The following ITGAD variants were observed in gnomAD, a reference collection of about 807,000 sequenced individuals.
ITGAD encodes the protein integrin alpha-D.
A neutral mutation model predicts 139.0 loss-of-function variants in ITGAD; 105 were observed. The observed-to-expected ratio is 0.76, with a 90% confidence interval of 0.65 to 0.89. The LOEUF (loss-of-function observed/expected upper bound fraction) is 0.89. ITGAD is among the 40% of genes least tolerant of loss of function. The probability of loss-of-function intolerance (pLI) is 0.00; values close to 1 mark genes in which losing one functional copy is unlikely to be tolerated. For missense variants in ITGAD, 1,384 were observed against 1,487.3 expected (o/e 0.93, Z 1.14); for synonymous variants, 569 against 598.3 (o/e 0.95, Z 0.71).
intron 18 of ITGAD, among the ~76,000 whole-genome samples, chr16:31,415,703 C>T (rs559691050): frequency 1.6e-4 from 25 of 152,294 alleles, no homozygotes; most frequent in Admixed American, 8.5e-4. Flanking sequence ...CGTTTTCCCC[C>T]GAAGCTCCAG....
intron 4 of ITGAD, 21 bp downstream of exon 4, chr16:31,397,687 A>T (rs780099407): frequency 2.5e-4 from 46 of 181,938 alleles, no homozygotes; most frequent in South Asian, 1.9e-3. Context: ...GTCTTGGGCC[A>T]CGGGGGGGTG....
rs776489449 is a variant in ITGAD at position 31,410,461 on chromosome 16, A to C, written c.1150A>C (p.Asn384His). 4.3e-6 allele frequency: 7 copies of C among 1,613,806 alleles called. No individual in the cohort carries two copies. Among genetic ancestry groups the C allele is most frequent in the Non-Finnish European group, 5.9e-6 (7 of 1,179,950 alleles). ...WSGGAFLYPP[N>H]MSPTFINMSQ... Reference sequence around the variant, plus strand: ...TGGAGGTGCCTTCCTGTATCCCCCAAATATGAGCCCCACCTTCATCAACAT... The same window carrying C: ...TGGAGGTGCCTTCCTGTATCCCCCACATATGAGCCCCACCTTCATCAACAT... Residue 384 changes from asparagine (N) to histidine (H), a missense_variant, in exon 11 of 30, where the codon AAT becomes CAT. By Grantham distance (68) the Asn-to-His change is moderately conservative. Transcript: ENST00000389202.
Position 31,416,269 on chromosome 16 carries a change from C to T in ITGAD, c.2340C>T (p.Val780=). 4 of 1,604,176 alleles carry T rather than the reference C, an allele frequency of 2.5e-6. No homozygotes were observed. In the African/African-American group the frequency reaches 5.3e-5, roughly 21 times the overall value. The change falls in exon 19 of 30, where the codon GTC becomes GTT. Residue 780 remains valine, a synonymous_variant. Coordinates refer to ENST00000389202, the MANE Select transcript of ITGAD (RefSeq NM_005353.3). ...QDGLCEGDLG[V]TLSFSGLQTL... ...GCCTCTGTGAAGGGGACCTGGGTGT[C>T]ACCCTCAGCTTCTCAGGGTGAGCTG... is the stretch of plus-strand genomic sequence containing the variant.
In ITGAD at chr16:31,414,625, G is replaced by A. The variant is rs1187122303; in HGVS notation, c.2151+20G>A. The A allele has an allele frequency of 6.2e-7, 1 of 1,613,480 alleles. No homozygotes were observed. ...TTGCCAGTGAGGACTTTGGGTTCTGGGAAGGGGGAGAGAGGAGGAGCCCAA... is the reference window on the plus strand; with the variant it reads ...TTGCCAGTGAGGACTTTGGGTTCTGAGAAGGGGGAGAGAGGAGGAGCCCAA... On this transcript the variant is annotated intron_variant, in intron 17 of 29. Transcript: ENST00000389202.
intron 24 of ITGAD, 57 bp downstream of exon 24, chr16:31,423,249 T>G: frequency 6.3e-7 from 1 of 1,595,754 alleles, no homozygotes. Flanking sequence ...AAGTTGGAAG[T>G]TGGTGGAGAA....
At position 31,393,763 on chromosome 16, in the gene ITGAD, C is replaced by T. The variant is rs536323946; in HGVS notation, c.31+372C>T. Among the ~76,000 whole-genome samples, 11 of 152,202 alleles carry T rather than the reference C, an allele frequency of 7.2e-5. No homozygotes were observed. In the South Asian group the frequency reaches 2.3e-3, roughly 32 times the overall value. On this transcript the variant is annotated intron_variant, in intron 1 of 29. Transcript: ENST00000389202. ...ACATCACCTCCCTGGGCCTGTTTCC[C>T]CCAAGTCCTGACTGCACGTAGGGAA...
intron 17 of ITGAD, 114 bp downstream of exon 17, chr16:31,414,719 G>A (rs2081838196): frequency 3.9e-6 from 6 of 1,554,848 alleles, no homozygotes; most frequent in Non-Finnish European, 4.4e-6. Context: ...GGGCTGGAGA[G>A]AGGGACATTA....
At chr16:31,418,594 C>T (rs2081946749) in intron 23 of ITGAD, 30 bp downstream of exon 23, 2 of 1,537,616 alleles carry the variant, frequency 1.3e-6, no homozygotes, top group African/African-American at 1.4e-5. Flanking sequence ...CCCCTTGGAC[C>T]TCTGGCCTTC....
Position 31,424,136 on chromosome 16 carries a change from C to T in ITGAD, c.3194C>T (p.Ala1065Val). The T allele has an allele frequency of 6.2e-7, 1 of 1,614,218 alleles. No homozygotes were observed. The highest frequency in any genetic ancestry group is 8.5e-7 in the Non-Finnish European group (1 of 1,180,044). Residue 1065 changes from alanine (A) to valine (V), a missense_variant, in exon 28 of 30, where the codon GCT (alanine) becomes GTT (valine). By Grantham distance (64) the Ala-to-Val change is moderately conservative (BLOSUM62 0). Coordinates refer to ENST00000389202, the MANE Select transcript of ITGAD (RefSeq NM_005353.3). Reference protein sequence around the residue: ...LQKKVLVVSVAEITFDTSVYS... With the variant: ...LQKKVLVVSVVEITFDTSVYS... ...AAGAAGGTGTTGGTCGTGAGTGTGG[C>T]TGAAATTACGTTCGACACATCCGTG...
At chr16:31,412,689 C>G in intron 14 of ITGAD, 149 bp from the exon 15 acceptor site, 1 of 963,478 alleles carries the variant, frequency 1.0e-6, no homozygotes, top group East Asian at 2.4e-5. Context: ...CTCCTACCTC[C>G]TCTTTTCAGG....
At position 31,423,203 on chromosome 16, in the gene ITGAD, AG is replaced by A; in HGVS notation, c.2859+14del. 6.2e-7 allele frequency: 1 copy of A among 1,612,408 alleles called. No individual in the cohort carries two copies. Among genetic ancestry groups the A allele is most frequent in the Non-Finnish European group, 8.5e-7 (1 of 1,178,362 alleles). ...GAGCATCGATACCGTGTGAGAGTCTAGGGAGTATCCATGTCTGCCTTCCACG... is the reference window on the plus strand; with the variant it reads ...GAGCATCGATACCGTGTGAGAGTCTAGGAGTATCCATGTCTGCCTTCCACG... On this transcript the variant is annotated intron_variant, in intron 24 of 29. Transcript: ENST00000389202.
At chr16:31,410,019 T>C (rs2081643122) in intron 10 of ITGAD, among the ~76,000 whole-genome samples, 1 of 151,624 alleles carries the variant, frequency 6.6e-6, no homozygotes. Context: ...GGCCAAAGGC[T>C]TGATGTGCTT....
chr16:31,408,530 T>G, intron 10 of ITGAD, 32 bp downstream of exon 10: 18 of 1,577,776 alleles, frequency 1.1e-5, no homozygotes, highest in Non-Finnish European at 1.6e-5. Flanking sequence ...TCCATAGCTC[T>G]TGGATACCAA....
At chr16:31,420,369 G>C (rs2081984382) in intron 23 of ITGAD, among the ~76,000 whole-genome samples, 1 of 151,962 alleles carries the variant, frequency 6.6e-6, no homozygotes, top group South Asian at 2.1e-4. Context: ...CTGAAAGACT[G>C]TAACACTGCT....
chr16:31,394,193 C>G, intron 1 of ITGAD, 43 bp from the exon 2 acceptor site: 1 of 1,235,846 alleles, frequency 8.1e-7, no homozygotes, highest in African/African-American at 1.5e-5. Context: ...GGGATTGGGG[C>G]TTCTTTAACT....
chr16:31,399,973 G>A (rs1347779647), intron 5 of ITGAD, among the ~76,000 whole-genome samples: 2 of 152,252 alleles, frequency 1.3e-5, no homozygotes, highest in African/African-American at 4.8e-5. Flanking sequence ...TGCCTGATTG[G>A]TGGGGTCCTT....
chr16:31,416,443 C>A, intron 19 of ITGAD, 62 bp from the exon 20 acceptor site: 1 of 1,575,310 alleles, frequency 6.3e-7, no homozygotes, highest in East Asian at 2.3e-5. Context: ...TCTGCCCTGC[C>A]CTTCCCAGTT....
chr16:31,408,552 C>T lies in ITGAD; in HGVS notation c.1083+54C>T, dbSNP rs1011350845. 5.3e-6 allele frequency: 8 copies of T among 1,508,008 alleles called. No individual in the cohort carries two copies. The East Asian group carries it at 9.1e-5, about 17-fold the overall frequency. The allele number at this position is 1,508,008 out of a possible 1,614,324, so 93.4% of individuals were successfully genotyped here. ...CTCTTGGATACCAACTCTGCACCCA[C>T]CCTGGGCTGGGGGCTGGGAGCCAGA... On this transcript the variant is annotated intron_variant, in intron 10 of 29. Coordinates refer to ENST00000389202, the MANE Select transcript of ITGAD (RefSeq NM_005353.3).
intron 7 of ITGAD, among the ~76,000 whole-genome samples, chr16:31,404,869 C>A (rs1282126698): frequency 1.4e-5 from 2 of 146,390 alleles, no homozygotes; most frequent in Non-Finnish European, 3.0e-5. Flanking sequence ...TTTCTCCCTT[C>A]CCTCCCTTCC....
Sources: gnomAD v4.1 joint callset for allele counts (sites outside exome capture counted in the v4.1 genomes callset) on GRCh38, gnomAD v4.1.1 for gene constraint, MANE v1.5 for transcripts, NCBI Gene and HGNC (gene_info 2026-07-23, HGNC 2026-07-21) for gene names.